PKIA: variants seen among roughly 807,000 people sequenced by gnomAD.
The protein encoded by PKIA is PKI-alpha.
In PKIA, 4 loss-of-function variants were observed where a neutral mutation model predicts 7.6. The observed-to-expected ratio is 0.52, with a 90% CI of 0.26 to 1.20. The LOEUF is 1.20. PKIA is among the 50% of genes most tolerant of loss of function. The probability of loss-of-function intolerance (pLI) is 0.13; values close to 1 mark genes in which losing one functional copy is unlikely to be tolerated. For synonymous variants in PKIA, 21 were observed against 30.7 expected, an observed-to-expected ratio of 0.68 and a Z score of 1.04; for missense variants, 73 against 86.2, an observed-to-expected ratio of 0.85 and a Z score of 0.61.
At chr8:78,567,437 G>A (rs1807442545) in intron 1 of PKIA, among the ~76,000 whole-genome samples, 1 of 151,844 alleles carries the variant, frequency 6.6e-6, no homozygotes, top group Non-Finnish European at 1.5e-5. Flanking sequence ...CAGGTATTTT[G>A]TACGATGCCC....
chr8:78,587,759 T>G (rs1333217933), intron 2 of PKIA, among the ~76,000 whole-genome samples: 6 of 152,212 alleles, frequency 3.9e-5, no homozygotes, highest in African/African-American at 1.4e-4. Flanking sequence ...AAATCTTTTG[T>G]TATAATTGTG....
At chr8:78,527,274 A>T (rs1192740165) in intron 1 of PKIA, among the ~76,000 whole-genome samples, 1 of 152,056 alleles carries the variant, frequency 6.6e-6, no homozygotes, top group African/African-American at 2.4e-5. Flanking sequence ...CTGAATTAAG[A>T]TGAGATGTTG....
At chr8:78,536,557 C>T (rs1275577904) in intron 1 of PKIA, among the ~76,000 whole-genome samples, 1 of 151,922 alleles carries the variant, frequency 6.6e-6, no homozygotes, top group African/African-American at 2.4e-5. Context: ...TATTAACTAG[C>T]CTGAGGACAA....
chr8:78,533,018 C>G (rs1340108750), intron 1 of PKIA, among the ~76,000 whole-genome samples: 3 of 152,126 alleles, frequency 2.0e-5, no homozygotes, highest in African/African-American at 7.2e-5. Flanking sequence ...ATCCTTGAAG[C>G]CTAGACCTTC....
Position 78,524,082 on chromosome 8 carries a change from A to AT in PKIA, c.-157+7614_-157+7615insT. Among the ~76,000 whole-genome samples the AT allele has an allele frequency of 2.5e-4, 28 of 111,502 alleles. 4 individuals carry two copies. Among genetic ancestry groups the AT allele is most frequent in the African/African-American group, 4.8e-4 (9 of 18,946 alleles). The allele number at this position is 111,502 out of a possible 152,430, so 73.1% of individuals were successfully genotyped here. A position where few individuals can be genotyped will look rare whatever the true frequency, so the allele number is the denominator to read the frequency against. ...AACATTTATATTTATATATAAATAT[A>AT]AATAAACATTTATATTTATATATAA... On this transcript the variant is annotated intron_variant, in intron 1 of 3. Transcript: ENST00000396418.
intron 1 of PKIA, among the ~76,000 whole-genome samples, chr8:78,553,482 T>C (rs1364431280): frequency 2.0e-4 from 31 of 152,012 alleles, no homozygotes. Flanking sequence ...CATAGAAGAA[T>C]TGTTTGTTTT....
intron 1 of PKIA, among the ~76,000 whole-genome samples, chr8:78,538,136 C>G (rs1030863213): frequency 8.6e-5 from 13 of 151,978 alleles, no homozygotes; most frequent in African/African-American, 3.1e-4. Context: ...TATGCTGGCT[C>G]TTAACTCACT....
intron 1 of PKIA, among the ~76,000 whole-genome samples, chr8:78,554,753 A>G (rs1807082947): frequency 6.6e-6 from 1 of 152,052 alleles, no homozygotes; most frequent in Admixed American, 6.6e-5. Context: ...CCTGATATGA[A>G]TTTTAGATTA....
At chr8:78,553,456 G>A (rs1161225220) in intron 1 of PKIA, among the ~76,000 whole-genome samples, 1 of 151,898 alleles carries the variant, frequency 6.6e-6, no homozygotes, top group East Asian at 1.9e-4. Flanking sequence ...CTTAAGTGGT[G>A]TCATTCTTTT....
intron 1 of PKIA, among the ~76,000 whole-genome samples, chr8:78,524,519 C>T (rs928129315): frequency 3.3e-5 from 5 of 151,710 alleles, no homozygotes; most frequent in African/African-American, 1.2e-4. Context: ...CTATTTGTTA[C>T]ATGCCCATAT....
intron 1 of PKIA, among the ~76,000 whole-genome samples, chr8:78,517,627 T>C (rs1378620873): frequency 6.6e-6 from 1 of 152,188 alleles, no homozygotes; most frequent in African/African-American, 2.4e-5. Context: ...TCTAAGCCTC[T>C]GGTTGAGTAT....
At chr8:78,522,176 A>T (rs1809429040) in intron 1 of PKIA, among the ~76,000 whole-genome samples, 1 of 151,994 alleles carries the variant, frequency 6.6e-6, no homozygotes, top group Non-Finnish European at 1.5e-5. Context: ...TGGCTAGCAT[A>T]TAACACCACC....
At chr8:78,576,063 C>A (rs1453485986) in intron 2 of PKIA, among the ~76,000 whole-genome samples, 1 of 151,944 alleles carries the variant, frequency 6.6e-6, no homozygotes, top group African/African-American at 2.4e-5. Context: ...GGAATCCAGT[C>A]ATATTGGATT....
chr8:78,562,398 A>G (rs970950747), intron 1 of PKIA, among the ~76,000 whole-genome samples: 3 of 152,206 alleles, frequency 2.0e-5, no homozygotes, highest in Admixed American at 1.3e-4. Context: ...ACCACAAAGC[A>G]TATGATACAT....
At chr8:78,583,185 G>A (rs1807860402) in intron 2 of PKIA, among the ~76,000 whole-genome samples, 1 of 152,100 alleles carries the variant, frequency 6.6e-6, no homozygotes, top group African/African-American at 2.4e-5. Flanking sequence ...TGCCCTTTAT[G>A]AAGGGCACAC....
chr8:78,590,112 C>G (rs1417635572), intron 2 of PKIA, among the ~76,000 whole-genome samples: 4 of 151,970 alleles, frequency 2.6e-5, no homozygotes, highest in Non-Finnish European at 5.9e-5. Context: ...TTTCAGAAAA[C>G]CTATTATCTG....
At chr8:78,557,383 A>G (rs535324682) in intron 1 of PKIA, among the ~76,000 whole-genome samples, 1 of 152,314 alleles carries the variant, frequency 6.6e-6, no homozygotes, top group South Asian at 2.1e-4. Context: ...AAAGAGTTAC[A>G]TATTTGGAAA....
chr8:78,537,368 C>T (rs1435397630), intron 1 of PKIA, among the ~76,000 whole-genome samples: 1 of 151,892 alleles, frequency 6.6e-6, no homozygotes, highest in Non-Finnish European at 1.5e-5. Flanking sequence ...CTAAATTTTT[C>T]CAATACTTGC....
chr8:78,588,911 G>GA (rs111735860), intron 2 of PKIA, among the ~76,000 whole-genome samples: 6,551 of 134,066 alleles, frequency 0.049, 164 homozygotes, highest in African/African-American at 0.08. Context: ...AAAAAGAAAG[G>GA]AAAAAAAAAA....
Sources: allele counts gnomAD v4.1 joint callset (sites outside exome capture counted in the v4.1 genomes callset), GRCh38; gene constraint gnomAD v4.1.1; transcripts MANE v1.5; gene names NCBI Gene and HGNC (gene_info 2026-07-23, HGNC 2026-07-21).